The following MPPED2 variants were observed in gnomAD, a reference collection of about 807,000 sequenced individuals.
MPPED2 encodes the protein metallophosphoesterase MPPED2.
A neutral mutation model predicts 33.0 loss-of-function variants in MPPED2; 5 were observed. That is an observed-to-expected ratio of 0.15 (90% CI 0.08 to 0.32). The LOEUF is 0.32. MPPED2 is among the 10% of genes least tolerant of loss of function. MPPED2 has a pLI of 1.00. For synonymous variants in MPPED2, 136 were observed against 141.9 expected, an observed-to-expected ratio of 0.96 and a Z score of 0.29; for missense variants, 275 against 372.1, an observed-to-expected ratio of 0.74 and a Z score of 2.15.
At chr11:30,527,132 G>A (rs538564161) in intron 3 of MPPED2, among the ~76,000 whole-genome samples, 4 of 151,692 alleles carry the variant, frequency 2.6e-5, no homozygotes, top group South Asian at 2.1e-4. Context: ...GGGTTTCACC[G>A]TGTTAGCCAA....
intron 2 of MPPED2, among the ~76,000 whole-genome samples, chr11:30,542,730 A>G (rs916755914): frequency 1.7e-4 from 26 of 152,296 alleles, no homozygotes; most frequent in African/African-American, 5.5e-4. Flanking sequence ...TACTAATGAT[A>G]CATAGTCCAT....
chr11:30,494,737 C>CAAAA (rs767500886), intron 4 of MPPED2, among the ~76,000 whole-genome samples: 336 of 46,660 alleles, frequency 7.2e-3, no homozygotes, highest in East Asian at 1.0e-2. Flanking sequence ...TACTCCACCT[C>CAAAA]AAAAAAAAAA....
At chr11:30,530,769 C>T (rs553505140) in intron 3 of MPPED2, among the ~76,000 whole-genome samples, 1 of 152,152 alleles carries the variant, frequency 6.6e-6, no homozygotes, top group East Asian at 1.9e-4. Flanking sequence ...AAGAAGGCTA[C>T]CAAAAGTATT....
At chr11:30,525,763 T>C (rs1017399529) in intron 3 of MPPED2, among the ~76,000 whole-genome samples, 2 of 152,168 alleles carry the variant, frequency 1.3e-5, no homozygotes, top group African/African-American at 4.8e-5. Context: ...TAAGCATTAA[T>C]GATCTAATAT....
At chr11:30,427,934 G>A (rs191910577) in intron 4 of MPPED2, among the ~76,000 whole-genome samples, 285 of 152,290 alleles carry the variant, frequency 1.9e-3, no homozygotes, top group Non-Finnish European at 2.7e-3. Flanking sequence ...ATGGATGGAA[G>A]AATTTGGAGA....
chr11:30,578,070 T>C (rs1453781164), intron 2 of MPPED2, among the ~76,000 whole-genome samples: 1 of 151,982 alleles, frequency 6.6e-6, no homozygotes, highest in Admixed American at 6.6e-5. Flanking sequence ...GGAGGTGGTA[T>C]AAAGTGTTGC....
chr11:30,565,128 G>C (rs1466545037), intron 2 of MPPED2, among the ~76,000 whole-genome samples: 2 of 152,168 alleles, frequency 1.3e-5, no homozygotes, highest in Non-Finnish European at 2.9e-5. Flanking sequence ...CCCCTGTGCA[G>C]TCTTGAATCA....
chr11:30,418,227 A>G (rs1267448410), intron 4 of MPPED2, among the ~76,000 whole-genome samples: 2 of 152,206 alleles, frequency 1.3e-5, no homozygotes, highest in Non-Finnish European at 2.9e-5. Context: ...GTAAACAGAA[A>G]GTAAACACAG....
At chr11:30,429,590 T>C (rs773104608) in intron 4 of MPPED2, among the ~76,000 whole-genome samples, 3 of 152,282 alleles carry the variant, frequency 2.0e-5, no homozygotes, top group East Asian at 3.9e-4. Flanking sequence ...ATATTATTAA[T>C]TGGGCTCAAC....
At chr11:30,427,156 C>A (rs1395023416) in intron 4 of MPPED2, among the ~76,000 whole-genome samples, 1 of 152,070 alleles carries the variant, frequency 6.6e-6, no homozygotes, top group Non-Finnish European at 1.5e-5. Flanking sequence ...GATTTCCCAA[C>A]AAAATAAGAA....
intron 4 of MPPED2, among the ~76,000 whole-genome samples, chr11:30,421,814 T>C (rs2133794238): frequency 6.6e-6 from 1 of 152,348 alleles, no homozygotes; most frequent in East Asian, 1.9e-4. Flanking sequence ...GTCTGTGTAC[T>C]GTACAGCTCC....
In MPPED2 at chr11:30,581,715, G is replaced by A. The variant is rs564641006; in HGVS notation, c.-121-1221C>T. 2.2e-4 allele frequency among the ~76,000 whole-genome samples: 34 copies of A among 152,252 alleles called. No homozygotes were observed. In the East Asian group the frequency reaches 3.9e-3, roughly 17 times the overall value. On this transcript the variant is annotated intron_variant, in intron 1 of 6. Coordinates refer to ENST00000358117, the MANE Select transcript of MPPED2 (RefSeq NM_001584.3). ...CATTTATTTTATTATTTTACAACCC[G>A]GGGCTTGAGTAATCCCCCATATGCT...
intron 4 of MPPED2, among the ~76,000 whole-genome samples, chr11:30,434,028 G>A (rs1949207611): frequency 6.6e-6 from 1 of 152,006 alleles, no homozygotes; most frequent in Non-Finnish European, 1.5e-5. Context: ...CTGCTTCTGT[G>A]GCCACAACTC....
intron 4 of MPPED2, among the ~76,000 whole-genome samples, chr11:30,438,938 C>T (rs1243400695): frequency 6.6e-6 from 1 of 152,192 alleles, no homozygotes; most frequent in East Asian, 1.9e-4. Flanking sequence ...GCATTTGGCT[C>T]AGTGTCAGAC....
intron 3 of MPPED2, among the ~76,000 whole-genome samples, chr11:30,532,813 A>G (rs560961365): frequency 4.6e-5 from 7 of 152,310 alleles, no homozygotes; most frequent in Non-Finnish European, 8.8e-5. Flanking sequence ...CTGATAAATT[A>G]CGCATGTTAA....
At chr11:30,439,867 G>C (rs1451572442) in intron 4 of MPPED2, among the ~76,000 whole-genome samples, 3 of 152,174 alleles carry the variant, frequency 2.0e-5, no homozygotes. Context: ...CCTTAAGCAA[G>C]TTACTTAACA....
intron 4 of MPPED2, among the ~76,000 whole-genome samples, chr11:30,420,020 C>G (rs919290755): frequency 2.0e-5 from 3 of 152,050 alleles, no homozygotes; most frequent in South Asian, 2.1e-4. Context: ...TTGTATGTAC[C>G]TGGGGTAAGC....
At chr11:30,391,248 C>CT (rs913900292) in intron 6 of MPPED2, among the ~76,000 whole-genome samples, 1 of 152,098 alleles carries the variant, frequency 6.6e-6, no homozygotes, top group Non-Finnish European at 1.5e-5. Context: ...AGCTCAGCAG[C>CT]TTTTTTGCTG....
intron 4 of MPPED2, among the ~76,000 whole-genome samples, chr11:30,491,437 C>G (rs912813324): frequency 1.3e-5 from 2 of 152,250 alleles, no homozygotes; most frequent in Non-Finnish European, 1.5e-5. Context: ...TAATCTCACT[C>G]CTAGTCCCAT....
Sources: gnomAD v4.1 joint callset for allele counts (sites outside exome capture counted in the v4.1 genomes callset) on GRCh38, gnomAD v4.1.1 for gene constraint, MANE v1.5 for transcripts, NCBI Gene and HGNC (gene_info 2026-07-23, HGNC 2026-07-21) for gene names.